The following FARP2 variants were observed in gnomAD, a reference collection of about 807,000 sequenced individuals.
FARP2 encodes FERM, ARHGEF and pleckstrin domain-containing protein 2.
FARP2 carries 111 observed loss-of-function variants against 130.5 expected under a neutral mutation model. That is an observed-to-expected ratio of 0.85 (90% confidence interval 0.73 to 1.00). The LOEUF is 1.00. Among genes scored for constraint, FARP2 ranks in the 50% least tolerant of loss-of-function variants. The pLI is 0.00. For synonymous variants in FARP2, 504 were observed against 516.9 expected (o/e 0.98, Z 0.34); for missense variants, 1,385 against 1,346.3 (o/e 1.03, Z -0.45).
At chr2:241,483,791 G>A (rs1405835441) in intron 20 of FARP2, 2 of 985,310 alleles carry the variant, frequency 2.0e-6, no homozygotes, top group Non-Finnish European at 2.4e-6. Flanking sequence ...CTGACTATGG[G>A]ACAAACAGAA....
rs1007360711 is a variant in FARP2 at position 241,465,862 on chromosome 2, T to C, written c.1893+1882T>C. On this transcript the variant is annotated intron_variant, in intron 17 of 26. Coordinates refer to ENST00000264042, the MANE Select transcript of FARP2 (RefSeq NM_014808.4). ...AGAGTTCCCAAGGGACTATAGGTTT[T>C]GCTGTTCTGTGTTGAGATAGCCCCA... is the stretch of plus-strand genomic sequence containing the variant. 4.3e-5 allele frequency: 65 copies of C among 1,501,448 alleles called. 1 individual carries two copies. In the South Asian group the frequency reaches 8.2e-4, roughly 19 times the overall value. The allele number at this position is 1,501,448 out of a possible 1,614,324, so 93.0% of individuals were successfully genotyped here. A position where few individuals can be genotyped will look rare whatever the true frequency, so the allele number is the denominator to read the frequency against.
In FARP2 at chr2:241,439,831, G is replaced by A. The variant is rs1402468565; in HGVS notation, c.1159-1473G>A. 3.9e-5 allele frequency among the ~76,000 whole-genome samples: 6 copies of A among 152,110 alleles called. No homozygotes were observed. In the East Asian group the frequency reaches 1.2e-3, roughly 30 times the overall value. The stretch of plus-strand genomic sequence containing the variant: ...CAAAAATTAGTGAGGCATGGTAGGC[G>A]CGTATAATCCCAGCTACTCGGGAGG... On this transcript the variant is annotated intron_variant, in intron 12 of 26. Coordinates refer to ENST00000264042, the MANE Select transcript of FARP2 (RefSeq NM_014808.4).
intron 14 of FARP2, among the ~76,000 whole-genome samples, chr2:241,460,447 C>CTT (rs34619844): frequency 1.2e-4 from 18 of 145,888 alleles, no homozygotes; most frequent in Non-Finnish European, 2.3e-4. Context: ...CTTGGCTAAC[C>CTT]TTTTTTTTTT....
Position 241,453,768 on chromosome 2 carries a change from G to GTTTTTTTTTTTTTT in FARP2, c.1412-2979_1412-2978insTTTTTTTTTTTTTT, listed in dbSNP as rs1559786201. On this transcript the variant is annotated intron_variant, in intron 13 of 26. Transcript: ENST00000264042. ...TTGTTTACTGGGAGTGGCACTTACT[G>GTTTTTTTTTTTTTT]GTTTTTTTTTTTTTTTTTTTTTTTT... Among the ~76,000 whole-genome samples the GTTTTTTTTTTTTTT allele has an allele frequency of 1.0e-4, 10 of 99,896 alleles. 4 individuals carry two copies. The highest frequency in any genetic ancestry group is 1.1e-4 in the Non-Finnish European group (6 of 52,560). 65.5% of individuals were successfully genotyped at this position (99,896 alleles called of 152,430 possible).
At chr2:241,383,808 C>T (rs978825628) in intron 2 of FARP2, among the ~76,000 whole-genome samples, 1 of 152,020 alleles carries the variant, frequency 6.6e-6, no homozygotes, top group African/African-American at 2.4e-5. Context: ...ATGTCCTGCA[C>T]TAGGGAGCCC....
At position 241,479,438 on chromosome 2, in the gene FARP2, C is replaced by A. The variant is rs373940397; in HGVS notation, c.2262+3451C>A. Among the ~76,000 whole-genome samples, 103 of 152,372 alleles carry A rather than the reference C, an allele frequency of 6.8e-4. 2 individuals carry two copies. In the South Asian group the frequency reaches 0.02, roughly 29 times the overall value. ...AGGCTCAGTCAGGAGTCTGCTCTGC[C>A]TCCCAGGTGGGATCGCTGGTTGCTA... On this transcript the variant is annotated intron_variant, in intron 19 of 26. Transcript: ENST00000264042.
At chr2:241,478,766 G>C (rs749301017) in intron 19 of FARP2, 1 of 418,610 alleles carries the variant, frequency 2.4e-6, no homozygotes, top group African/African-American at 2.1e-5. Context: ...TGTGTACCAC[G>C]TGCTTCAGTG....
chr2:241,402,235 T>G (rs758002669), intron 2 of FARP2, among the ~76,000 whole-genome samples: 1 of 152,222 alleles, frequency 6.6e-6, no homozygotes, highest in East Asian at 1.9e-4. Context: ...TGTTTTCAAA[T>G]TATCAGGTCA....
intron 1 of FARP2, among the ~76,000 whole-genome samples, chr2:241,363,646 G>A (rs918785029): frequency 6.6e-6 from 1 of 152,262 alleles, no homozygotes; most frequent in African/African-American, 2.4e-5. Flanking sequence ...AAGGCAGGCT[G>A]GCCACCAAGC....
At chr2:241,454,687 T>C (rs917087421) in intron 13 of FARP2, among the ~76,000 whole-genome samples, 3 of 152,216 alleles carry the variant, frequency 2.0e-5, no homozygotes, top group Non-Finnish European at 2.9e-5. Context: ...AGTAGGAATT[T>C]CATGCTGTTT....
In FARP2 at chr2:241,468,347, C is replaced by T. The variant is rs1457273254; in HGVS notation, c.2101C>T (p.Pro701Ser). The change falls in exon 18 of 27, where the codon CCC becomes TCC. Residue 701 changes from proline (P) to serine (S), a missense_variant. By Grantham distance (74) the Pro-to-Ser change is moderately conservative. Coordinates refer to ENST00000264042, the MANE Select transcript of FARP2 (RefSeq NM_014808.4). ...GCGCCGCCTATGCGGACATTACAGC[C>T]CCGGGCACCATGACTACGCTGACTG... ...LLRRLCGHYS[P>S]GHHDYADCHD... The T allele has an allele frequency of 6.2e-7, 1 of 1,613,306 alleles. No individual in the cohort carries two copies. The highest frequency in any genetic ancestry group is 1.1e-5 in the South Asian group (1 of 91,086).
chr2:241,410,739 T>G (rs2062495841), intron 5 of FARP2, among the ~76,000 whole-genome samples: 1 of 152,160 alleles, frequency 6.6e-6, no homozygotes, highest in Admixed American at 6.5e-5. Flanking sequence ...CAATTTCTTT[T>G]TTTTATTGTT....
At chr2:241,464,982 C>A (rs1574879669) in intron 17 of FARP2, among the ~76,000 whole-genome samples, 1 of 152,166 alleles carries the variant, frequency 6.6e-6, no homozygotes, top group African/African-American at 2.4e-5. Flanking sequence ...AAACAGCATA[C>A]CCCTCACAAC....
chr2:241,433,825 A>T (rs1223017402), intron 9 of FARP2, among the ~76,000 whole-genome samples: 2 of 152,220 alleles, frequency 1.3e-5, no homozygotes, highest in African/African-American at 4.8e-5. Flanking sequence ...CAGGAGTTCA[A>T]GACCAGCCTG....
In FARP2 at chr2:241,482,833, G is replaced by A. The variant is rs1398307149; in HGVS notation, c.2263-632G>A. ...AATCTGAGGGGCTCCCAGGACTCTCGCTTACCCTATCTGCGCAGGTGTCTG... is the reference window on the plus strand; with the variant it reads ...AATCTGAGGGGCTCCCAGGACTCTCACTTACCCTATCTGCGCAGGTGTCTG... On this transcript the variant is annotated intron_variant, in intron 19 of 26. Transcript: ENST00000264042. The surrounding 1 kb of genome is among the most constrained non-coding windows in gnomAD (Gnocchi z 4.6). Among the ~76,000 whole-genome samples, 2 of 152,112 alleles carry A rather than the reference G, an allele frequency of 1.3e-5. No homozygotes were observed. Among genetic ancestry groups the A allele is most frequent in the African/African-American group, 2.4e-5 (1 of 41,416 alleles).
intron 25 of FARP2, 128 bp from the exon 26 acceptor site, chr2:241,493,165 G>C: frequency 1.6e-6 from 2 of 1,232,074 alleles, no homozygotes; most frequent in Non-Finnish European, 1.2e-6. Flanking sequence ...TGTGCTGTGT[G>C]AACAGGGAAA....
intron 2 of FARP2, among the ~76,000 whole-genome samples, chr2:241,382,444 C>T (rs761381743): frequency 4.0e-5 from 6 of 151,854 alleles, no homozygotes; most frequent in East Asian, 1.9e-4. Flanking sequence ...CCACCATGCC[C>T]GGCTAATTTT....
At chr2:241,465,838 G>T in intron 17 of FARP2, 1 of 1,535,268 alleles carries the variant, frequency 6.5e-7, no homozygotes, top group Non-Finnish European at 8.8e-7. Context: ...CTCACACCTA[G>T]AGTTCCCAAG....
chr2:241,484,398 C>T lies in FARP2; in HGVS notation c.2421+67C>T, dbSNP rs1454959855. 5 of 1,302,462 alleles carry T rather than the reference C, an allele frequency of 3.8e-6. No homozygotes were observed. In the East Asian group the frequency reaches 9.3e-5, roughly 24 times the overall value. The allele number at this position is 1,302,462 out of a possible 1,614,324, so 80.7% of individuals were successfully genotyped here. A position where few individuals can be genotyped will look rare whatever the true frequency, so the allele number is the denominator to read the frequency against. On this transcript the variant is annotated intron_variant, in intron 21 of 26. Coordinates refer to ENST00000264042, the MANE Select transcript of FARP2 (RefSeq NM_014808.4). ...TGGGCTGGGCCCCACCTACCTCTCT[C>T]CTGCAGAGGCGAATCCTTACCCAGC...
Sources: gnomAD v4.1 joint callset for allele counts (sites outside exome capture counted in the v4.1 genomes callset) on GRCh38, gnomAD v4.1.1 for gene constraint, Gnocchi (gnomAD v3.1) non-coding constraint, MANE v1.5 for transcripts, NCBI Gene and HGNC (gene_info 2026-07-23, HGNC 2026-07-21) for gene names.